Variants in SETBP1 observed in about 807,000 individuals in gnomAD.
SETBP1 encodes the protein SET-binding protein.
Under a neutral mutation model 101.0 loss-of-function variants are expected in SETBP1, and 9 were observed. That is an observed-to-expected ratio of 0.09 (90% CI 0.05 to 0.16). The LOEUF (loss-of-function observed/expected upper bound fraction) is 0.16, where lower values mean the gene tolerates loss of function less well. SETBP1 is among the 10% of genes least tolerant of loss of function. The pLI is 1.00. For synonymous variants in SETBP1, 818 were observed against 788.5 expected (o/e 1.04, Z -0.63); for missense variants, 1,858 against 2,033.8 (o/e 0.91, Z 1.66).
chr18:44,887,108 A>G (rs2069666525), intron 3 of SETBP1, among the ~76,000 whole-genome samples: 1 of 152,118 alleles, frequency 6.6e-6, no homozygotes, highest in South Asian at 2.1e-4. Context: ...ACCTTCAGAA[A>G]ATTACTTAAC....
In SETBP1 at chr18:44,812,347, C is replaced by T. The variant is rs549036631; in HGVS notation, c.487-56883C>T. Among the ~76,000 whole-genome samples the T allele has an allele frequency of 3.3e-5, 5 of 152,160 alleles. No individual in the cohort carries two copies. The East Asian group carries it at 7.7e-4, about 23-fold the overall frequency. On this transcript the variant is annotated intron_variant, in intron 2 of 5. Transcript: ENST00000649279. ...ATAATTTTTTCTTGATACACAGTTT[C>T]CCTTTGGCCATCTATGATTTGCTTG... is the stretch of plus-strand genomic sequence containing the variant.
At chr18:45,054,673 G>A (rs971088663) in intron 5 of SETBP1, among the ~76,000 whole-genome samples, 3 of 152,032 alleles carry the variant, frequency 2.0e-5, no homozygotes, top group Non-Finnish European at 4.4e-5. Flanking sequence ...GTTTTTTCAG[G>A]ACTGCCAAAA....
chr18:44,883,811 A>G (rs1002904524), intron 3 of SETBP1, among the ~76,000 whole-genome samples: 3 of 152,188 alleles, frequency 2.0e-5, no homozygotes, highest in Admixed American at 1.3e-4. Flanking sequence ...AAATGGTGAA[A>G]TTGCAGAACT....
At chr18:44,759,997 G>A (rs2070602665) in intron 2 of SETBP1, among the ~76,000 whole-genome samples, 1 of 152,202 alleles carries the variant, frequency 6.6e-6, no homozygotes, top group South Asian at 2.1e-4. Context: ...CTTCTGGCCT[G>A]CATGCTTGTG....
intron 4 of SETBP1, among the ~76,000 whole-genome samples, chr18:45,029,601 G>A (rs79750574): frequency 0.33 from 50,849 of 151,906 alleles, 9,339 homozygotes; most frequent in Middle Eastern, 0.43. Context: ...ATTACCTTGG[G>A]CAGTATGGCC....
At chr18:44,893,980 CT>C (rs2069832579) in intron 3 of SETBP1, among the ~76,000 whole-genome samples, 1 of 152,066 alleles carries the variant, frequency 6.6e-6, no homozygotes, top group Non-Finnish European at 1.5e-5. Context: ...GGAGGGGACA[CT>C]TTAGTTTTAA....
chr18:44,848,434 C>T (rs954743507), intron 2 of SETBP1, among the ~76,000 whole-genome samples: 1 of 152,170 alleles, frequency 6.6e-6, no homozygotes, highest in African/African-American at 2.4e-5. Flanking sequence ...GCTGTCTTTG[C>T]TCATATGGAA....
At chr18:44,991,155 A>T (rs1056036038) in intron 4 of SETBP1, among the ~76,000 whole-genome samples, 1 of 148,242 alleles carries the variant, frequency 6.7e-6, no homozygotes, top group Non-Finnish European at 1.5e-5. Flanking sequence ...AGGCGAGAGA[A>T]TTGCTTGAAC....
At chr18:44,762,755 A>G (rs2070684013) in intron 2 of SETBP1, among the ~76,000 whole-genome samples, 2 of 152,254 alleles carry the variant, frequency 1.3e-5, no homozygotes, top group Admixed American at 6.5e-5. Flanking sequence ...AATGATTAGC[A>G]TTGGCAGAAA....
intron 3 of SETBP1, among the ~76,000 whole-genome samples, chr18:44,947,187 T>C (rs1303521985): frequency 2.0e-5 from 3 of 152,144 alleles, no homozygotes. Flanking sequence ...CATGGTTTCA[T>C]GAAAACTTAT....
At chr18:44,705,990 A>G (rs1167136830) in intron 2 of SETBP1, among the ~76,000 whole-genome samples, 2 of 152,092 alleles carry the variant, frequency 1.3e-5, no homozygotes, top group African/African-American at 2.4e-5. Context: ...TTGAGATGCT[A>G]TTTGGGAGAG....
At chr18:44,835,344 G>C (rs1184936488) in intron 2 of SETBP1, among the ~76,000 whole-genome samples, 1 of 152,106 alleles carries the variant, frequency 6.6e-6, no homozygotes, top group African/African-American at 2.4e-5. Flanking sequence ...GAAGGAGGCA[G>C]CGTCGTGTTT....
In SETBP1 at chr18:44,916,497, GCT is replaced by G. The variant is rs535892092; in HGVS notation, c.541-33380_541-33379del. On this transcript the variant is annotated intron_variant, in intron 3 of 5. Coordinates refer to ENST00000649279, the MANE Select transcript of SETBP1 (RefSeq NM_015559.3). The stretch of plus-strand genomic sequence containing the variant: ...CAGATATTTATTAAGTTCTTCTCAA[GCT>G]CTCAAATATCCTAAACTTAATTTGT... Among the ~76,000 whole-genome samples the G allele has an allele frequency of 8.6e-5, 13 of 152,010 alleles. No homozygotes were observed. The East Asian group carries it at 2.5e-3, about 29-fold the overall frequency.
At chr18:45,042,886 C>G (rs2073537437) in intron 5 of SETBP1, among the ~76,000 whole-genome samples, 1 of 152,156 alleles carries the variant, frequency 6.6e-6, no homozygotes, top group Non-Finnish European at 1.5e-5. Flanking sequence ...CCTCAGTGGT[C>G]AAACTGCTCA....
intron 3 of SETBP1, among the ~76,000 whole-genome samples, chr18:44,907,418 A>G (rs562539380): frequency 6.6e-6 from 1 of 152,276 alleles, no homozygotes; most frequent in South Asian, 2.1e-4. Context: ...TAACTTTTTG[A>G]AAAAATTTCC....
At chr18:44,711,402 C>T (rs1349447617) in intron 2 of SETBP1, among the ~76,000 whole-genome samples, 104 of 146,704 alleles carry the variant, frequency 7.1e-4, no homozygotes, top group African/African-American at 2.6e-3. Context: ...CTTCCTCTCT[C>T]CCTTCCTCCC....
intron 1 of SETBP1, among the ~76,000 whole-genome samples, chr18:44,687,915 A>G (rs1017084787): frequency 6.6e-6 from 1 of 152,172 alleles, no homozygotes; most frequent in South Asian, 2.1e-4. Flanking sequence ...CCTGTGTTCA[A>G]TAATAGCTAA....
At chr18:44,831,237 C>T (rs1484043977) in intron 2 of SETBP1, among the ~76,000 whole-genome samples, 4 of 152,144 alleles carry the variant, frequency 2.6e-5, no homozygotes, top group African/African-American at 9.7e-5. Context: ...GACTTGTTTT[C>T]ATGGATTATT....
chr18:45,044,156 G>A (rs969263106), intron 5 of SETBP1, among the ~76,000 whole-genome samples: 4 of 152,186 alleles, frequency 2.6e-5, no homozygotes, highest in Non-Finnish European at 5.9e-5. Flanking sequence ...GGTGCAATTT[G>A]ATAGGATTTG....
Sources: allele counts gnomAD v4.1 joint callset (sites outside exome capture counted in the v4.1 genomes callset), GRCh38; gene constraint gnomAD v4.1.1; transcripts MANE v1.5; gene names NCBI Gene and HGNC (gene_info 2026-07-23, HGNC 2026-07-21).